CNBD1: variants seen among roughly 807,000 people sequenced by gnomAD.
CNBD1 encodes the protein cyclic nucleotide-binding domain-containing protein 1.
A neutral mutation model predicts 54.4 loss-of-function variants in CNBD1; 71 were observed. The ratio of observed to expected loss-of-function variants is 1.30; its 90% CI spans 1.08 to 1.59. The LOEUF is 1.59. Ranked by LOEUF, CNBD1 falls within the 40% of genes most tolerant of loss-of-function variation. CNBD1 has a pLI of 0.00. For synonymous variants in CNBD1, 182 were observed against 170.7 expected, an observed-to-expected ratio of 1.07 and a Z score of -0.51; for missense variants, 659 against 518.0, an observed-to-expected ratio of 1.27 and a Z score of -2.64.
intron 4 of CNBD1, among the ~76,000 whole-genome samples, chr8:87,133,713 T>C (rs1381644937): frequency 3.3e-5 from 5 of 150,634 alleles, no homozygotes; most frequent in African/African-American, 1.2e-4. Context: ...AAAAAAAGCA[T>C]ATTGCACAGA....
chr8:87,363,933 C>T (rs180735955), intron 10 of CNBD1, among the ~76,000 whole-genome samples: 1 of 149,662 alleles, frequency 6.7e-6, no homozygotes, highest in Non-Finnish European at 1.5e-5. Flanking sequence ...CTTGCCCATG[C>T]CTATGTCCTG....
intron 5 of CNBD1, among the ~76,000 whole-genome samples, chr8:87,215,422 TA>T (rs1397452190): frequency 6.6e-6 from 1 of 151,660 alleles, no homozygotes; most frequent in African/African-American, 2.4e-5. Context: ...CTGTCCCTAC[TA>T]AAAAAATACA....
intron 4 of CNBD1, among the ~76,000 whole-genome samples, chr8:87,014,631 A>G (rs535011441): frequency 7.2e-4 from 109 of 152,218 alleles, no homozygotes; most frequent in African/African-American, 2.5e-3. Flanking sequence ...AAAATCTTGT[A>G]AACAAACTTG....
chr8:87,027,339 T>G (rs148160638), intron 4 of CNBD1, among the ~76,000 whole-genome samples: 9 of 152,246 alleles, frequency 5.9e-5, no homozygotes, highest in African/African-American at 2.2e-4. Context: ...TGGCGTGATC[T>G]CGGCTCACTG....
At chr8:87,297,878 G>C (rs1317387022) in intron 8 of CNBD1, among the ~76,000 whole-genome samples, 1 of 151,662 alleles carries the variant, frequency 6.6e-6, no homozygotes, top group Non-Finnish European at 1.5e-5. Flanking sequence ...CTCATGAAGT[G>C]ATATTTATAT....
intron 4 of CNBD1, among the ~76,000 whole-genome samples, chr8:87,072,252 C>A (rs1304640966): frequency 6.6e-6 from 1 of 152,012 alleles, no homozygotes; most frequent in Non-Finnish European, 1.5e-5. Context: ...TGTGTCTTGG[C>A]TCTTCATCCA....
At chr8:87,333,994 G>T (rs950654786) in intron 8 of CNBD1, among the ~76,000 whole-genome samples, 2 of 152,076 alleles carry the variant, frequency 1.3e-5, no homozygotes, top group Non-Finnish European at 2.9e-5. Context: ...AATCCATCTG[G>T]TCCTGGGTTT....
At chr8:87,302,246 A>T (rs534601724) in intron 8 of CNBD1, among the ~76,000 whole-genome samples, 2 of 152,214 alleles carry the variant, frequency 1.3e-5, no homozygotes, top group Admixed American at 1.3e-4. Flanking sequence ...TCAATAAAAT[A>T]CTGGCAAACT....
At chr8:86,892,688 G>A (rs1189560277) in intron 2 of CNBD1, among the ~76,000 whole-genome samples, 3 of 151,968 alleles carry the variant, frequency 2.0e-5, no homozygotes, top group South Asian at 2.1e-4. Flanking sequence ...TTAAGAGTTC[G>A]ATAGAGACAA....
At chr8:87,266,148 T>C (rs1808252628) in intron 6 of CNBD1, among the ~76,000 whole-genome samples, 1 of 151,744 alleles carries the variant, frequency 6.6e-6, no homozygotes, top group African/African-American at 2.4e-5. Flanking sequence ...AAGATAAGTG[T>C]CCCCTAATGA....
intron 10 of CNBD1, among the ~76,000 whole-genome samples, chr8:87,369,724 T>C (rs1396843671): frequency 1.3e-5 from 2 of 151,792 alleles, no homozygotes; most frequent in African/African-American, 2.4e-5. Flanking sequence ...AGTGCTGCTT[T>C]CTTTTTTTTT....
At chr8:87,023,746 G>A (rs139416792) in intron 4 of CNBD1, among the ~76,000 whole-genome samples, 1 of 152,272 alleles carries the variant, frequency 6.6e-6, no homozygotes, top group African/African-American at 2.4e-5. Context: ...TGCTTTGTTA[G>A]TGTGGCTGGA....
intron 4 of CNBD1, among the ~76,000 whole-genome samples, chr8:86,983,909 T>C (rs1325613018): frequency 6.6e-6 from 1 of 152,162 alleles, no homozygotes; most frequent in Non-Finnish European, 1.5e-5. Flanking sequence ...TTCAAGCCAA[T>C]TGCAGAAATG....
chr8:87,338,324 C>T (rs957520057), intron 8 of CNBD1, among the ~76,000 whole-genome samples: 3 of 152,060 alleles, frequency 2.0e-5, no homozygotes, highest in African/African-American at 7.2e-5. Flanking sequence ...TTTTCCTTTT[C>T]TCTAAATATT....
intron 2 of CNBD1, among the ~76,000 whole-genome samples, chr8:87,410,256 G>T (rs1028237499): frequency 6.6e-6 from 1 of 152,046 alleles, no homozygotes; most frequent in Non-Finnish European, 1.5e-5. Context: ...CCCAAGGATT[G>T]AAAAGTAATT....
chr8:87,193,494 C>T (rs1437431747), intron 4 of CNBD1, among the ~76,000 whole-genome samples: 1 of 152,176 alleles, frequency 6.6e-6, no homozygotes, highest in African/African-American at 2.4e-5. Flanking sequence ...AATAAATTCA[C>T]TTCCAATTAA....
At chr8:87,172,818 G>A (rs1813117105) in intron 4 of CNBD1, among the ~76,000 whole-genome samples, 1 of 151,338 alleles carries the variant, frequency 6.6e-6, no homozygotes, top group Admixed American at 6.6e-5. Flanking sequence ...TCTTTTTACT[G>A]TCCATTCAGA....
intron 2 of CNBD1, among the ~76,000 whole-genome samples, chr8:86,904,802 C>T (rs1426664809): frequency 6.6e-6 from 1 of 151,966 alleles, no homozygotes; most frequent in Non-Finnish European, 1.5e-5. Context: ...AAACTTTAAT[C>T]AATTATAGAA....
chr8:87,039,099 G>A (rs960271110), intron 4 of CNBD1, among the ~76,000 whole-genome samples: 3 of 151,884 alleles, frequency 2.0e-5, no homozygotes, highest in South Asian at 2.1e-4. Flanking sequence ...TGCTATTAAT[G>A]TCTCTTCTAT....
Sources: allele counts gnomAD v4.1 joint callset (sites outside exome capture counted in the v4.1 genomes callset), GRCh38; gene constraint gnomAD v4.1.1; transcripts MANE v1.5; gene names NCBI Gene and HGNC (gene_info 2026-07-23, HGNC 2026-07-21).